Variants in SLC7A14 observed in about 807,000 individuals in gnomAD.
The protein encoded by SLC7A14 is gamma-aminobutyric acid transporter SLC7A14.
A neutral mutation model predicts 60.2 loss-of-function variants in SLC7A14; 37 were observed. The ratio of observed to expected loss-of-function variants is 0.61; its 90% CI spans 0.47 to 0.81. The LOEUF (loss-of-function observed/expected upper bound fraction) is 0.81, where lower values mean the gene tolerates loss of function less well. Among genes scored for constraint, SLC7A14 ranks in the 30% least tolerant of loss-of-function variants. SLC7A14 has a pLI of 0.00. For synonymous variants in SLC7A14, 399 were observed against 395.8 expected (o/e 1.01, Z -0.10); for missense variants, 886 against 982.7 (o/e 0.90, Z 1.32).
intron 1 of SLC7A14, among the ~76,000 whole-genome samples, chr3:170,584,243 C>G (rs1715313692): frequency 6.6e-6 from 1 of 152,108 alleles, no homozygotes; most frequent in South Asian, 2.1e-4. Flanking sequence ...GGCTGCTTAG[C>G]GATCTTTATC....
chr3:170,478,979 G>C (rs1338078114), intron 7 of SLC7A14, among the ~76,000 whole-genome samples: 2 of 152,062 alleles, frequency 1.3e-5, no homozygotes, highest in Non-Finnish European at 2.9e-5. Context: ...AAAATTAGCA[G>C]GGCATGGTGG....
intron 2 of SLC7A14, among the ~76,000 whole-genome samples, chr3:170,505,887 C>CAA (rs199647740): frequency 1.6e-4 from 21 of 132,134 alleles, no homozygotes; most frequent in African/African-American, 5.6e-4. Flanking sequence ...GACTCTGTTT[C>CAA]AAAAAAAAAA....
In SLC7A14 at chr3:170,572,873, T is replaced by G. The variant is rs184170450; in HGVS notation, c.-153+13038A>C. Among the ~76,000 whole-genome samples, 3 of 152,336 alleles carry G rather than the reference T, an allele frequency of 2.0e-5. No homozygotes were observed. The East Asian group carries it at 5.8e-4, about 29-fold the overall frequency. ...TCTAAAATGAATCCCAAACTGTCTG[T>G]GTAGTTTGTTCCTACTCAGAATCAG... On this transcript the variant is annotated intron_variant, in intron 1 of 7. Coordinates refer to ENST00000231706, the MANE Select transcript of SLC7A14 (RefSeq NM_020949.3).
Position 170,532,641 on chromosome 3 carries a change from G to A in SLC7A14, c.-152-5553C>T, listed in dbSNP as rs1713712394. 6.6e-6 allele frequency among the ~76,000 whole-genome samples: 1 copy of A among 152,014 alleles called. No individual in the cohort carries two copies. The highest frequency in any genetic ancestry group is 1.5e-5 in the Non-Finnish European group (1 of 68,002). On this transcript the variant is annotated intron_variant, in intron 1 of 7. Transcript: ENST00000231706. This position sits in a 1 kb window ranked among gnomAD's most constrained non-coding sequence, Gnocchi z 4.0. Reference sequence around the variant, plus strand: ...GTGCATGCTGTGGGAGCGTTAGCTAGCATCACCCTGCTGTGGCCCCTGACC... The same window carrying A: ...GTGCATGCTGTGGGAGCGTTAGCTAACATCACCCTGCTGTGGCCCCTGACC...
chr3:170,513,060 G>T (rs1713037654), intron 2 of SLC7A14, among the ~76,000 whole-genome samples: 1 of 152,104 alleles, frequency 6.6e-6, no homozygotes, highest in Non-Finnish European at 1.5e-5. Context: ...TGGTCCTGAT[G>T]GATTGTTTCT....
intron 7 of SLC7A14, among the ~76,000 whole-genome samples, chr3:170,479,302 C>T (rs535453359): frequency 6.6e-6 from 1 of 152,258 alleles, no homozygotes; most frequent in South Asian, 2.1e-4. Flanking sequence ...AATTTGTTAT[C>T]AGAGACCCCA....
chr3:170,490,355 AAC>A (rs144304889), intron 4 of SLC7A14, among the ~76,000 whole-genome samples: 19,036 of 152,244 alleles, frequency 0.13, 1,336 homozygotes, highest in Admixed American at 0.19. Context: ...AATACATATA[AAC>A]ACAGATAAAC....
intron 4 of SLC7A14, chr3:170,496,581 C>G: frequency 6.3e-7 from 1 of 1,598,222 alleles, no homozygotes. Flanking sequence ...CAAACTGGCC[C>G]TGGACATGGA....
chr3:170,503,730 C>G (rs1230894503), intron 2 of SLC7A14, among the ~76,000 whole-genome samples: 2 of 152,178 alleles, frequency 1.3e-5, no homozygotes, highest in Non-Finnish European at 2.9e-5. Context: ...TTTGTGCAAT[C>G]AAACATTCTC....
At chr3:170,510,889 G>C (rs1169947558) in intron 2 of SLC7A14, among the ~76,000 whole-genome samples, 4 of 152,246 alleles carry the variant, frequency 2.6e-5, no homozygotes, top group African/African-American at 9.6e-5. Flanking sequence ...ACCTATGCTA[G>C]ACTCACTGTA....
At chr3:170,507,344 T>C (rs1187515652) in intron 2 of SLC7A14, among the ~76,000 whole-genome samples, 1 of 152,226 alleles carries the variant, frequency 6.6e-6, no homozygotes, top group Non-Finnish European at 1.5e-5. Context: ...GGAAAGAGTT[T>C]AATAAACAGC....
chr3:170,490,885 A>G (rs1329601145), intron 4 of SLC7A14, among the ~76,000 whole-genome samples: 1 of 152,220 alleles, frequency 6.6e-6, no homozygotes, highest in Non-Finnish European at 1.5e-5. Context: ...CAGTCCTATA[A>G]TACAGTAGGT....
intron 3 of SLC7A14, 66 bp from the exon 4 acceptor site, chr3:170,498,950 C>T: frequency 4.0e-6 from 6 of 1,481,538 alleles, no homozygotes; most frequent in Non-Finnish European, 4.7e-6. Context: ...ACTCCTGGTC[C>T]TACCCCACTG....
Position 170,464,219 on chromosome 3 carries a change from C to A in SLC7A14, c.*2836G>T, listed in dbSNP as rs1258710446. 1 of 152,144 alleles carries A rather than the reference C, an allele frequency of 6.6e-6. No individual in the cohort carries two copies. Among genetic ancestry groups the A allele is most frequent in the Non-Finnish European group, 1.5e-5 (1 of 68,026 alleles). 9.4% of individuals were successfully genotyped at this position (152,144 alleles called of 1,614,324 possible). On this transcript the variant is annotated 3_prime_UTR_variant, in exon 8 of 8. Transcript: ENST00000231706. ...TACCAATAAATAAGTAGAATAAAAT[C>A]TGAAGAAAATCAAGTAATTGGCTCC... is the stretch of plus-strand genomic sequence containing the variant.
Position 170,575,166 on chromosome 3 carries a change from A to G in SLC7A14, c.-153+10745T>C, listed in dbSNP as rs546027637. Reference sequence around the variant, plus strand: ...TTCAACCCTGTTACAAAGAGGGCTGAAACTCTGGAGTCTGAAATCCTATCT... The same window carrying G: ...TTCAACCCTGTTACAAAGAGGGCTGGAACTCTGGAGTCTGAAATCCTATCT... On this transcript the variant is annotated intron_variant, in intron 1 of 7. Transcript: ENST00000231706. Among the ~76,000 whole-genome samples the G allele has an allele frequency of 3.9e-5, 6 of 152,346 alleles. No individual in the cohort carries two copies. The South Asian group carries it at 1.2e-3, about 32-fold the overall frequency.
intron 2 of SLC7A14, among the ~76,000 whole-genome samples, chr3:170,521,837 C>G (rs1305423594): frequency 6.6e-6 from 1 of 151,984 alleles, no homozygotes; most frequent in African/African-American, 2.4e-5. Flanking sequence ...AGAAGAGTCG[C>G]TTGAACCTGG....
chr3:170,572,894 A>G (rs1714992683), intron 1 of SLC7A14, among the ~76,000 whole-genome samples: 1 of 152,224 alleles, frequency 6.6e-6, no homozygotes, highest in Non-Finnish European at 1.5e-5. Context: ...CCTACTCAGA[A>G]TCAGGATAAC....
At chr3:170,545,636 T>A (rs973656044) in intron 1 of SLC7A14, among the ~76,000 whole-genome samples, 7 of 152,216 alleles carry the variant, frequency 4.6e-5, no homozygotes, top group African/African-American at 9.6e-5. Context: ...CCATCACTGG[T>A]AACAAAACAT....
At chr3:170,471,090 G>T (rs544355700) in intron 7 of SLC7A14, among the ~76,000 whole-genome samples, 6 of 146,354 alleles carry the variant, frequency 4.1e-5, no homozygotes, top group African/African-American at 1.3e-4. Context: ...TCTGGGAAGG[G>T]GTGTGTGTGT....
Sources: allele counts gnomAD v4.1 joint callset (sites outside exome capture counted in the v4.1 genomes callset), GRCh38; gene constraint gnomAD v4.1.1; non-coding constraint Gnocchi (gnomAD v3.1); transcripts MANE v1.5; gene names NCBI Gene and HGNC (gene_info 2026-07-23, HGNC 2026-07-21).